MSH4: variants seen among roughly 807,000 people sequenced by gnomAD.
The protein encoded by MSH4 is mutS protein homolog 4.
MSH4 carries 106 observed loss-of-function variants against 113.7 expected under a neutral mutation model. The ratio of observed to expected loss-of-function variants is 0.93; its 90% confidence interval spans 0.80 to 1.10. The LOEUF (loss-of-function observed/expected upper bound fraction) is 1.10, where lower values mean the gene tolerates loss of function less well. MSH4 is among the 50% of genes least tolerant of loss of function. The probability of loss-of-function intolerance (pLI) is 0.00; values close to 1 mark genes in which losing one functional copy is unlikely to be tolerated. For synonymous variants in MSH4, 368 were observed against 380.2 expected (o/e 0.97, Z 0.37); for missense variants, 1,061 against 1,093.7 (o/e 0.97, Z 0.42).
intron 17 of MSH4, among the ~76,000 whole-genome samples, chr1:75,894,604 TG>T (rs1652331558): frequency 6.6e-6 from 1 of 152,254 alleles, no homozygotes. Context: ...GCCTTCTGTA[TG>T]TGTAATGTTT....
chr1:75,840,334 C>T (rs1330726691), intron 7 of MSH4, among the ~76,000 whole-genome samples: 1 of 145,138 alleles, frequency 6.9e-6, no homozygotes, highest in Non-Finnish European at 1.5e-5. Flanking sequence ...GAATACTGTG[C>T]AGCCATAAAA....
At chr1:75,898,539 G>C (rs1417892349) in intron 18 of MSH4, among the ~76,000 whole-genome samples, 2 of 130,180 alleles carry the variant, frequency 1.5e-5, no homozygotes, top group South Asian at 2.3e-4. Flanking sequence ...TTTTTTTTGA[G>C]ACAAAGTCTC....
intron 9 of MSH4, among the ~76,000 whole-genome samples, chr1:75,869,841 GCAAAAGCCCCCA>G (rs1651672929): frequency 6.6e-6 from 1 of 152,190 alleles, no homozygotes; most frequent in Non-Finnish European, 1.5e-5. Context: ...AGGAAAATGG[GCAAAAGCCCCCA>G]CACAGAGTCC....
intron 15 of MSH4, among the ~76,000 whole-genome samples, chr1:75,885,059 G>GTGTATATATATATATA (rs1300289205): frequency 4.4e-5 from 5 of 112,560 alleles, no homozygotes; most frequent in Admixed American, 3.9e-4. Flanking sequence ...GTGTGTGTGT[G>GTGTATATATATATATA]TATATATATA....
At chr1:75,828,695 G>C (rs535172819) in intron 7 of MSH4, among the ~76,000 whole-genome samples, 2 of 152,124 alleles carry the variant, frequency 1.3e-5, no homozygotes, top group African/African-American at 2.4e-5. Flanking sequence ...AAAACTATTG[G>C]GTACTATGTT....
intron 1 of MSH4, among the ~76,000 whole-genome samples, chr1:75,800,088 A>G (rs966007826): frequency 6.6e-6 from 1 of 152,152 alleles, no homozygotes; most frequent in African/African-American, 2.4e-5. Context: ...AATGAGTTTC[A>G]AGAAAGGGTA....
intron 8 of MSH4, among the ~76,000 whole-genome samples, chr1:75,865,069 G>C (rs2100559321): frequency 6.6e-6 from 1 of 152,148 alleles, no homozygotes; most frequent in East Asian, 1.9e-4. Flanking sequence ...CTCCATCTGA[G>C]AGATGGAGAC....
chr1:75,879,828 C>T (rs1651892182), intron 12 of MSH4, among the ~76,000 whole-genome samples: 1 of 152,060 alleles, frequency 6.6e-6, no homozygotes, highest in Non-Finnish European at 1.5e-5. Context: ...GTCAAAATAT[C>T]CTGCTTTTTA....
chr1:75,908,593 C>T (rs545147886), intron 19 of MSH4, among the ~76,000 whole-genome samples: 1 of 152,276 alleles, frequency 6.6e-6, no homozygotes, highest in South Asian at 2.1e-4. Flanking sequence ...CGATGTTGAT[C>T]ACCAGCTCCT....
chr1:75,801,194 G>A (rs1223539301), intron 1 of MSH4, among the ~76,000 whole-genome samples: 1 of 152,122 alleles, frequency 6.6e-6, no homozygotes, highest in Non-Finnish European at 1.5e-5. Flanking sequence ...TTCTATGATA[G>A]TGTCAGAGCT....
chr1:75,870,669 A>G (rs941925286), intron 9 of MSH4, among the ~76,000 whole-genome samples: 4 of 151,892 alleles, frequency 2.6e-5, no homozygotes, highest in Non-Finnish European at 5.9e-5. Context: ...CTCCTTATTC[A>G]CCTTCTGCCA....
chr1:75,819,260 A>G (rs1295222741), intron 6 of MSH4, among the ~76,000 whole-genome samples: 2 of 152,164 alleles, frequency 1.3e-5, no homozygotes, highest in Non-Finnish European at 2.9e-5. Flanking sequence ...GGGCAGGCCA[A>G]CGTGGGTGGA....
chr1:75,893,181 A>G (rs1283955249), intron 17 of MSH4, among the ~76,000 whole-genome samples: 2 of 152,162 alleles, frequency 1.3e-5, no homozygotes, highest in African/African-American at 4.8e-5. Context: ...TTTTAACTAA[A>G]ACATTTTAAA....
chr1:75,901,452 A>T (rs746753595), intron 19 of MSH4, among the ~76,000 whole-genome samples: 1 of 152,030 alleles, frequency 6.6e-6, no homozygotes, highest in Non-Finnish European at 1.5e-5. Flanking sequence ...TAGCATAGTG[A>T]TTCTTTATCC....
chr1:75,881,535 A>G (rs1651932975), intron 14 of MSH4, among the ~76,000 whole-genome samples, 165 bp downstream of exon 14: 2 of 152,080 alleles, frequency 1.3e-5, no homozygotes, highest in Non-Finnish European at 2.9e-5. Flanking sequence ...GATTACCCTT[A>G]AAATTTTTTT....
chr1:75,863,990 C>T (rs1471159685), intron 8 of MSH4, among the ~76,000 whole-genome samples: 1 of 152,170 alleles, frequency 6.6e-6, no homozygotes, highest in African/African-American at 2.4e-5. Context: ...AATTCCCCTT[C>T]TTCTCCTTCC....
intron 9 of MSH4, among the ~76,000 whole-genome samples, chr1:75,871,039 G>A (rs949049600): frequency 3.9e-5 from 6 of 152,118 alleles, no homozygotes; most frequent in Admixed American, 3.9e-4. Flanking sequence ...AATTCATAAA[G>A]GAAACAGATT....
chr1:75,849,195 G>A (rs5745415), intron 8 of MSH4, among the ~76,000 whole-genome samples: 42,270 of 152,066 alleles, frequency 0.28, 6,164 homozygotes, highest in Middle Eastern at 0.37. Flanking sequence ...GCCTCCCAAA[G>A]TACTGGGATT....
intron 1 of MSH4, 80 bp downstream of exon 1, chr1:75,797,309 G>C: frequency 6.7e-7 from 1 of 1,492,676 alleles, no homozygotes; most frequent in South Asian, 1.3e-5. Flanking sequence ...CGTGGGTGGT[G>C]GTTACCACAG....
Sources: allele counts gnomAD v4.1 joint callset (sites outside exome capture counted in the v4.1 genomes callset), GRCh38; gene constraint gnomAD v4.1.1; transcripts MANE v1.5; gene names NCBI Gene and HGNC (gene_info 2026-07-23, HGNC 2026-07-21).